The following B4GALT1 variants were observed in gnomAD, a reference collection of about 807,000 sequenced individuals.
The protein encoded by B4GALT1 is N-acetyllactosamine synthase.
A neutral mutation model predicts 34.9 loss-of-function variants in B4GALT1; 16 were observed. The observed-to-expected ratio is 0.46, with a 90% CI of 0.31 to 0.70. B4GALT1 has a LOEUF of 0.70. Ranked by LOEUF, B4GALT1 falls within the 30% of genes least tolerant of loss-of-function variation. B4GALT1 has a pLI of 0.05. For missense variants in B4GALT1, 445 were observed against 530.5 expected (o/e 0.84, Z 1.58); for synonymous variants, 221 against 218.1 (o/e 1.01, Z -0.12).
At chr9:33,127,025 G>T (rs181457333) in intron 2 of B4GALT1, among the ~76,000 whole-genome samples, 4 of 152,014 alleles carry the variant, frequency 2.6e-5, no homozygotes, top group Non-Finnish European at 1.5e-5. Context: ...GCAGTGGCGC[G>T]ATCTCGGCTC....
chr9:33,127,588 C>CAGACATAAT (rs1447002642), intron 2 of B4GALT1, among the ~76,000 whole-genome samples: 4 of 152,134 alleles, frequency 2.6e-5, no homozygotes, highest in Admixed American at 2.6e-4. Context: ...CTTCAGACTC[C>CAGACATAAT]AAGATGTTCA....
intron 1 of B4GALT1, among the ~76,000 whole-genome samples, chr9:33,149,223 G>A (rs1840473181): frequency 6.6e-6 from 1 of 151,244 alleles, no homozygotes; most frequent in South Asian, 2.1e-4. Context: ...GTGGATGAAA[G>A]TTTGAGGAGT....
chr9:33,150,233 T>TACACACACACACACACACACAC lies in B4GALT1; in HGVS notation c.413-14831_413-14810dup, dbSNP rs10701535. 5.1e-5 allele frequency among the ~76,000 whole-genome samples: 7 copies of TACACACACACACACACACACAC among 138,170 alleles called. No individual in the cohort carries two copies. In the South Asian group the frequency reaches 1.5e-3, roughly 29 times the overall value. The allele number at this position is 138,170 out of a possible 152,430, so 90.6% of individuals were successfully genotyped here. On this transcript the variant is annotated intron_variant, in intron 1 of 5. Transcript: ENST00000379731. ...TAATATCTATCTATCTACAGGTAGA[T>TACACACACACACACACACACAC]ACACACACACACACACACACACACA...
intron 4 of B4GALT1, 93 bp downstream of exon 4, chr9:33,115,898 G>C: frequency 6.6e-7 from 1 of 1,516,622 alleles, no homozygotes; most frequent in Admixed American, 1.7e-5. Context: ...CATCCCATCT[G>C]AGGGTCAGTC....
At chr9:33,157,426 T>A (rs932641548) in intron 1 of B4GALT1, among the ~76,000 whole-genome samples, 87 of 152,320 alleles carry the variant, frequency 5.7e-4, no homozygotes, top group African/African-American at 1.9e-3. Flanking sequence ...TTATCGACGA[T>A]AGTGAAACCT....
intron 1 of B4GALT1, 86 bp downstream of exon 1, chr9:33,166,672 C>A: frequency 7.3e-7 from 1 of 1,371,760 alleles, no homozygotes; most frequent in Non-Finnish European, 9.6e-7. Flanking sequence ...CGTAGAAGAG[C>A]CAGCCTGAGG....
chr9:33,145,847 C>T (rs910474741), intron 1 of B4GALT1, among the ~76,000 whole-genome samples: 4 of 152,206 alleles, frequency 2.6e-5, no homozygotes, highest in African/African-American at 9.7e-5. Context: ...GCCAGGGGGG[C>T]CTTCAACTGA....
chr9:33,104,665 A>G (rs1839780554), exon 3 of B4GALT1: 1 of 444,626 alleles, frequency 2.2e-6, no homozygotes. Context: ...CACAGCCAGC[A>G]CGTCTCACGC....
chr9:33,115,350 TG>T (rs1839923963), intron 4 of B4GALT1, among the ~76,000 whole-genome samples: 1 of 152,210 alleles, frequency 6.6e-6, no homozygotes, highest in Admixed American at 6.5e-5. Context: ...CGGTGGCTGG[TG>T]GGGTTGAAGC....
chr9:33,156,121 C>T (rs1016737245), intron 1 of B4GALT1, among the ~76,000 whole-genome samples: 4 of 144,890 alleles, frequency 2.8e-5, no homozygotes, highest in Admixed American at 2.1e-4. Flanking sequence ...GATCTGTAAA[C>T]TTTTTTTTTT....
At chr9:33,173,594 GT>G in the B4GALT1 span, among the ~76,000 whole-genome samples, 3 of 45,298 alleles carry the variant, frequency 6.6e-5, no homozygotes, top group Non-Finnish European at 1.4e-4. Flanking sequence ...TAAGAATGGT[GT>G]GTGTGTGTGT....
chr9:33,167,621 C>T (rs1028643415), upstream of B4GALT1, among the ~76,000 whole-genome samples: 2 of 152,360 alleles, frequency 1.3e-5, no homozygotes, highest in African/African-American at 2.4e-5. Context: ...GCCTCCTCTT[C>T]CTCCTCCACG....
At chr9:33,141,548 T>C (rs1169652914) in intron 1 of B4GALT1, among the ~76,000 whole-genome samples, 2 of 152,034 alleles carry the variant, frequency 1.3e-5, no homozygotes, top group Admixed American at 6.5e-5. Flanking sequence ...TTACCCCCAG[T>C]AGTCAAGGAG....
chr9:33,167,427 G>C (rs1055403569), upstream of B4GALT1: 2 of 337,050 alleles, frequency 5.9e-6, no homozygotes, highest in South Asian at 2.7e-4. Context: ...TTTTCTGGAC[G>C]AGGGCGGGAA....
At chr9:33,162,942 T>C (rs1038587250) in intron 1 of B4GALT1, among the ~76,000 whole-genome samples, 4 of 152,130 alleles carry the variant, frequency 2.6e-5, no homozygotes, top group Non-Finnish European at 5.9e-5. Context: ...ACAAAGAATG[T>C]CTGTGTATAC....
intron 1 of B4GALT1, among the ~76,000 whole-genome samples, chr9:33,141,346 AC>A (rs1217066146): frequency 1.3e-5 from 2 of 151,836 alleles, no homozygotes; most frequent in African/African-American, 4.8e-5. Flanking sequence ...TCTCTACTAA[AC>A]CCCATCTCTA....
At chr9:33,175,810 A>C in the B4GALT1 span, among the ~76,000 whole-genome samples, 5 of 152,338 alleles carry the variant, frequency 3.3e-5, 1 homozygote, top group African/African-American at 1.2e-4. Flanking sequence ...TCACTCTTTG[A>C]TGTTTGCACA....
At chr9:33,105,650 CA>C (rs1839790257), downstream of B4GALT1, among the ~76,000 whole-genome samples, 1 of 152,262 alleles carries the variant, frequency 6.6e-6, no homozygotes, top group African/African-American at 2.4e-5. Context: ...ATGCCCCTGA[CA>C]ACCACCATTC....
chr9:33,130,327 T>C lies in B4GALT1; in HGVS notation c.648+4862A>G, dbSNP rs150734158. On this transcript the variant is annotated intron_variant, in intron 2 of 5. Transcript: ENST00000379731. ...TGAGTATTAGGAAATGCAGCATGCA[T>C]CCCTGTTTGCTATGATGTCTTCTCC... Among the ~76,000 whole-genome samples the C allele has an allele frequency of 7.7e-3, 1,178 of 152,208 alleles. 8 individuals are homozygous for C. Among genetic ancestry groups the C allele is most frequent in the Middle Eastern group, 0.027 (8 of 294 alleles).
Sources: gnomAD v4.1 joint callset for allele counts (sites outside exome capture counted in the v4.1 genomes callset) on GRCh38, gnomAD v4.1.1 for gene constraint, MANE v1.5 for transcripts, NCBI Gene and HGNC (gene_info 2026-07-23, HGNC 2026-07-21) for gene names.